TESK2: variants seen among roughly 807,000 people sequenced by gnomAD.
The protein encoded by TESK2 is testis associated actin remodelling kinase 2.
In TESK2, 39 loss-of-function variants were observed where a neutral mutation model predicts 57.1. The observed-to-expected ratio is 0.68, with a 90% CI of 0.53 to 0.89. TESK2 has a LOEUF of 0.89. Among genes scored for constraint, TESK2 ranks in the 40% least tolerant of loss-of-function variants. The probability of loss-of-function intolerance (pLI) is 0.00; values close to 1 mark genes in which losing one functional copy is unlikely to be tolerated. For synonymous variants in TESK2, 249 were observed against 267.9 expected (o/e 0.93, Z 0.69); for missense variants, 646 against 732.1 (o/e 0.88, Z 1.36).
chr1:45,384,363 GTATCTATCTATC>G (rs146751721), intron 4 of TESK2, among the ~76,000 whole-genome samples: 2 of 146,822 alleles, frequency 1.4e-5, no homozygotes, highest in African/African-American at 2.6e-5. Context: ...ATGTACGTAC[GTATCTATCTATC>G]TATCTATCTA....
At chr1:45,395,253 T>C (rs1301969326) in intron 3 of TESK2, among the ~76,000 whole-genome samples, 3 of 152,140 alleles carry the variant, frequency 2.0e-5, no homozygotes, top group Admixed American at 2.0e-4. Context: ...TGTACTTACA[T>C]AAACCTGGAT....
intron 3 of TESK2, among the ~76,000 whole-genome samples, chr1:45,420,405 AT>A (rs34775057): frequency 0.97 from 147,276 of 151,226 alleles, 71,853 homozygotes; most frequent in East Asian, 1. Context: ...TACCTGGCTA[AT>A]TTTTTTTTGT....
At chr1:45,433,489 T>C (rs993607672) in intron 2 of TESK2, among the ~76,000 whole-genome samples, 7 of 151,950 alleles carry the variant, frequency 4.6e-5, no homozygotes, top group African/African-American at 1.5e-4. Context: ...TTTACCTCTA[T>C]GAGATCAACT....
chr1:45,482,255 G>A (rs890557987), intron 1 of TESK2, among the ~76,000 whole-genome samples: 1 of 152,196 alleles, frequency 6.6e-6, no homozygotes, highest in African/African-American at 2.4e-5. Flanking sequence ...GGCCAGGCAT[G>A]GTGGCTCACA....
chr1:45,368,830 C>T (rs571410770), intron 4 of TESK2, among the ~76,000 whole-genome samples: 1 of 152,028 alleles, frequency 6.6e-6, no homozygotes, highest in East Asian at 1.9e-4. Context: ...CTCACTGCAA[C>T]CTCCACCTCC....
chr1:45,486,686 T>TA (rs1172899008), intron 1 of TESK2, among the ~76,000 whole-genome samples: 58 of 121,604 alleles, frequency 4.8e-4, no homozygotes, highest in South Asian at 2.1e-3. Flanking sequence ...AAAAATTAAT[T>TA]AAAAAAAAAA....
intron 1 of TESK2, among the ~76,000 whole-genome samples, chr1:45,480,915 G>GA (rs1653191540): frequency 6.6e-6 from 1 of 151,798 alleles, no homozygotes; most frequent in Non-Finnish European, 1.5e-5. Flanking sequence ...TTGAACCCGG[G>GA]AAATGGAGGT....
intron 2 of TESK2, among the ~76,000 whole-genome samples, chr1:45,446,109 G>A (rs1570739008): frequency 6.7e-6 from 1 of 149,802 alleles, no homozygotes; most frequent in Non-Finnish European, 1.5e-5. Context: ...AAATATTTAA[G>A]AAATAAATCA....
intron 4 of TESK2, among the ~76,000 whole-genome samples, 184 bp from the exon 5 acceptor site, chr1:45,355,633 T>C (rs1286144632): frequency 6.6e-6 from 1 of 152,112 alleles, no homozygotes; most frequent in Non-Finnish European, 1.5e-5. Flanking sequence ...TTTAAGGAGA[T>C]CACAATCTAT....
chr1:45,361,241 G>A (rs1647672777), intron 4 of TESK2, among the ~76,000 whole-genome samples: 1 of 152,230 alleles, frequency 6.6e-6, no homozygotes, highest in African/African-American at 2.4e-5. Flanking sequence ...GCAGAGACAA[G>A]AGCAACTGCA....
At chr1:45,437,842 C>T (rs924819237) in intron 2 of TESK2, among the ~76,000 whole-genome samples, 2 of 152,160 alleles carry the variant, frequency 1.3e-5, no homozygotes, top group African/African-American at 4.8e-5. Flanking sequence ...TCTGAAATGG[C>T]TGGTTTGATA....
chr1:45,428,712 C>T (rs1650814712), intron 2 of TESK2, among the ~76,000 whole-genome samples: 1 of 151,852 alleles, frequency 6.6e-6, no homozygotes, highest in Admixed American at 6.6e-5. Context: ...CCATGTTGTC[C>T]AGGCTGGTCT....
intron 4 of TESK2, among the ~76,000 whole-genome samples, chr1:45,370,474 C>T (rs927911148): frequency 2.6e-5 from 4 of 152,076 alleles, no homozygotes; most frequent in Non-Finnish European, 4.4e-5. Flanking sequence ...ATAAAACAAT[C>T]GTTGCCCTCA....
rs756543195 is a variant in TESK2, at chr1:45,457,660, C to T, written c.126G>A (p.Ser42=). 12 of 1,614,130 alleles carry T rather than the reference C, an allele frequency of 7.4e-6. No individual in the cohort carries two copies. The highest frequency in any genetic ancestry group is 2.2e-5 in the East Asian group (1 of 44,884). Residue 42 remains serine, a synonymous_variant, in exon 2 of 11, where the codon TCG becomes TCA. Coordinates refer to ENST00000372086, the MANE Select transcript of TESK2 (RefSeq NM_007170.3). ...VSQVGRVWPS[S]YRALISAFSR... ...AAAAGGCACTTATAAGAGCTCGATA[C>T]GAAGATGGCCAAACTCTTCCCACCT...
rs1055823063 is a variant in TESK2 at position 45,344,841 on chromosome 1, C to T, written c.1715G>A (p.Ter572=). The change falls in exon 11 of 11, where the codon TGA becomes TAA. Residue 572 remains the stop codon, a stop_retained_variant. Coordinates refer to ENST00000372086, the MANE Select transcript of TESK2 (RefSeq NM_007170.3). ...AGGTGAGGCAGGGACTAAACCCCCTCACCCATCCTGCTTTCCCTGGGTTTG... is the reference window on the plus strand; with the variant it reads ...AGGTGAGGCAGGGACTAAACCCCCTTACCCATCCTGCTTTCCCTGGGTTTG... ...GLQTQGKQDG[*] 2 of 1,611,292 alleles carry T rather than the reference C, an allele frequency of 1.2e-6. No homozygotes were observed. The highest frequency in any genetic ancestry group is 2.7e-5 in the African/African-American group (2 of 74,864).
intron 1 of TESK2, among the ~76,000 whole-genome samples, chr1:45,462,611 T>C (rs1294956217): frequency 6.6e-6 from 1 of 152,196 alleles, no homozygotes; most frequent in Admixed American, 6.5e-5. Context: ...TCCATTTGTG[T>C]AGGTGCCACA....
intron 3 of TESK2, among the ~76,000 whole-genome samples, chr1:45,405,482 A>G (rs1381279873): frequency 6.6e-6 from 1 of 151,774 alleles, no homozygotes; most frequent in East Asian, 1.9e-4. Context: ...AATATCCCTC[A>G]CCGATTTCCT....
chr1:45,484,663 C>T (rs890209024), intron 1 of TESK2, among the ~76,000 whole-genome samples: 2 of 151,884 alleles, frequency 1.3e-5, no homozygotes, highest in Non-Finnish European at 2.9e-5. Flanking sequence ...ACCCGGAAGG[C>T]GGAAGTTGCA....
chr1:45,421,232 G>T (rs1650462636), intron 3 of TESK2, among the ~76,000 whole-genome samples: 1 of 152,024 alleles, frequency 6.6e-6, no homozygotes, highest in African/African-American at 2.4e-5. Context: ...CTCCAGCCTG[G>T]GTGACAGAGT....
Sources: allele counts gnomAD v4.1 joint callset (sites outside exome capture counted in the v4.1 genomes callset), GRCh38; gene constraint gnomAD v4.1.1; transcripts MANE v1.5; gene names NCBI Gene and HGNC (gene_info 2026-07-23, HGNC 2026-07-21).